KIAA0586: variants seen among roughly 807,000 people sequenced by gnomAD.
KIAA0586 encodes KIAA0586.
In KIAA0586, 144 loss-of-function variants were observed where a neutral mutation model predicts 169.8. The observed-to-expected ratio is 0.85, with a 90% CI of 0.74 to 0.97. The LOEUF is 0.97. Among genes scored for constraint, KIAA0586 ranks in the 50% least tolerant of loss-of-function variants. The pLI, the probability that KIAA0586 is intolerant of heterozygous loss-of-function variation, is 0.00. For synonymous variants in KIAA0586, 625 were observed against 612.4 expected (o/e 1.02, Z -0.30); for missense variants, 1,854 against 1,823.0 (o/e 1.02, Z -0.31).
At chr14:58,539,896 GCTGTTTAA>G in intron 29 of KIAA0586, 167 bp from the exon 30 acceptor site, 1 of 484,486 alleles carries the variant, frequency 2.1e-6, no homozygotes, top group Non-Finnish European at 3.6e-6. Flanking sequence ...TTAAAATTCA[GCTGTTTAA>G]CTTCCTTCTT....
chr14:58,428,744 TG>T (rs2037096089), intron 1 of KIAA0586, among the ~76,000 whole-genome samples: 2 of 151,030 alleles, frequency 1.3e-5, no homozygotes, highest in African/African-American at 4.9e-5. Flanking sequence ...ACTTGTATAA[TG>T]TGCTTTATTT....
chr14:58,462,791 G>C (rs894798657), intron 14 of KIAA0586, among the ~76,000 whole-genome samples: 1 of 152,138 alleles, frequency 6.6e-6, no homozygotes, highest in African/African-American at 2.4e-5. Flanking sequence ...CATCTCTGGG[G>C]AGGCCTCAGA....
intron 30 of KIAA0586, among the ~76,000 whole-genome samples, chr14:58,546,973 T>C (rs1161548892): frequency 6.6e-6 from 1 of 152,190 alleles, no homozygotes; most frequent in Non-Finnish European, 1.5e-5. Context: ...TCCTCTGACA[T>C]TGCTAACCTT....
chr14:58,466,922 T>G (rs927249798), intron 15 of KIAA0586, among the ~76,000 whole-genome samples: 1 of 152,194 alleles, frequency 6.6e-6, no homozygotes, highest in Non-Finnish European at 1.5e-5. Flanking sequence ...TTATTTGCCT[T>G]CTCTCTGAGT....
intron 14 of KIAA0586, among the ~76,000 whole-genome samples, chr14:58,461,374 A>G (rs1670170868): frequency 6.6e-6 from 1 of 152,218 alleles, no homozygotes; most frequent in South Asian, 2.1e-4. Flanking sequence ...GAAGAAATGT[A>G]GGATTAAATG....
intron 20 of KIAA0586, among the ~76,000 whole-genome samples, chr14:58,481,884 G>A (rs972116370): frequency 2.7e-5 from 4 of 150,536 alleles, no homozygotes; most frequent in Admixed American, 1.3e-4. Context: ...TGCGATCTCA[G>A]CTCACTGCAA....
At chr14:58,499,666 C>T (rs1816904234) in intron 27 of KIAA0586, among the ~76,000 whole-genome samples, 1 of 152,144 alleles carries the variant, frequency 6.6e-6, no homozygotes, top group South Asian at 2.1e-4. Flanking sequence ...TCAAGCTATT[C>T]TCCTGCCTCA....
intron 6 of KIAA0586, among the ~76,000 whole-genome samples, chr14:58,445,664 C>T (rs2038822059): frequency 6.6e-6 from 1 of 151,664 alleles, no homozygotes; most frequent in Non-Finnish European, 1.5e-5. Context: ...GAACTCTTGG[C>T]CTCAAGTGAT....
At position 58,460,868 on chromosome 14, in the gene KIAA0586, A is replaced by AT; in HGVS notation, c.1885-112dup. On this transcript the variant is annotated intron_variant, in intron 13 of 30. Coordinates refer to ENST00000652326, the MANE Select transcript of KIAA0586 (RefSeq NM_001329943.3). ...TTAAGGGCTGTTGAAAACAGAGGTT[A>AT]TTTTTTACTTAATCATTCTTGTTAT... The AT allele has an allele frequency of 4.9e-6, 3 of 615,892 alleles. No homozygotes were observed. In the South Asian group the frequency reaches 1.6e-4, roughly 33 times the overall value. The allele number at this position is 615,892 out of a possible 1,614,324, so 38.2% of individuals were successfully genotyped here. A position where few individuals can be genotyped will look rare whatever the true frequency, so the allele number is the denominator to read the frequency against.
At chr14:58,487,227 G>T in intron 22 of KIAA0586, 61 bp downstream of exon 22, 3 of 1,376,420 alleles carry the variant, frequency 2.2e-6, no homozygotes, top group South Asian at 1.4e-5. Flanking sequence ...TTCATGATTT[G>T]TATATGTACT....
In KIAA0586 at chr14:58,444,070, A is replaced by G. The variant is rs746668509; in HGVS notation, c.702A>G (p.Lys234=). ...VTEQQTSIQR[K]QEKLHCHDHE... The stretch of plus-strand genomic sequence containing the variant: ...AGCAGCAAACAAGCATTCAGAGGAA[A>G]CAAGAGAAATTACATTGTCATGATC... The change falls in exon 6 of 31, where the codon AAA becomes AAG. Residue 234 remains lysine (K), a synonymous_variant. Coordinates refer to ENST00000652326, the MANE Select transcript of KIAA0586 (RefSeq NM_001329943.3). 4 of 1,613,574 alleles carry G rather than the reference A, an allele frequency of 2.5e-6. No individual in the cohort carries two copies. The highest frequency in any genetic ancestry group is 2.2e-5 in the South Asian group (2 of 91,002).
intron 14 of KIAA0586, 49 bp downstream of exon 14, chr14:58,461,209 G>T: frequency 7.8e-7 from 1 of 1,277,090 alleles, no homozygotes; most frequent in Non-Finnish European, 1.0e-6. Flanking sequence ...AATAGTATCA[G>T]TTTAATATGT....
At chr14:58,492,335 A>T in intron 26 of KIAA0586, 60 bp downstream of exon 26, 4 of 1,438,292 alleles carry the variant, frequency 2.8e-6, no homozygotes, top group Non-Finnish European at 3.7e-6. Flanking sequence ...AAAAATTAAA[A>T]TATTCTTACT....
chr14:58,447,453 ATTTTATTTTATTTTATTTTATTTTG>A (rs542052517), intron 6 of KIAA0586, among the ~76,000 whole-genome samples: 6 of 118,748 alleles, frequency 5.1e-5, no homozygotes, highest in Non-Finnish European at 1.1e-4. Context: ...ATTTTATTTT[ATTTTATTTTATTTTATTTTATTTTG>A]TTTTATTTTA....
chr14:58,443,571 A>G (rs2038595637), intron 5 of KIAA0586, among the ~76,000 whole-genome samples: 1 of 152,144 alleles, frequency 6.6e-6, no homozygotes, highest in East Asian at 1.9e-4. Flanking sequence ...TACAGGCCGC[A>G]CGCCACCATG....
chr14:58,540,196 G>C, intron 30 of KIAA0586, 60 bp downstream of exon 30: 1 of 909,272 alleles, frequency 1.1e-6, no homozygotes, highest in Admixed American at 2.4e-5. Flanking sequence ...TTCATTTCCT[G>C]ATGATTCTTT....
In KIAA0586 at chr14:58,442,852, C is replaced by T. The variant is rs1313884071; in HGVS notation, c.557C>T (p.Ala186Val). 2 of 1,609,138 alleles carry T rather than the reference C, an allele frequency of 1.2e-6. No homozygotes were observed. The highest frequency in any genetic ancestry group is 1.7e-6 in the Non-Finnish European group (2 of 1,177,960). The change falls in exon 5 of 31, where the codon GCC (alanine) becomes GTC (valine). Residue 186 changes from alanine to valine, a missense_variant. Physicochemically the swap from Ala to Val is moderately conservative, Grantham distance 64. Transcript: ENST00000652326. ...ACCGTGGCTGCAGCAACTGCTGCTG[C>T]CATTGCAACCGCAGCTCCGTTGATA... ...ATTVAAATAA[A>V]IATAAPLIKV...
intron 8 of KIAA0586, among the ~76,000 whole-genome samples, chr14:58,452,319 T>G (rs2140740535): frequency 6.6e-6 from 1 of 152,318 alleles, no homozygotes; most frequent in Admixed American, 6.5e-5. Context: ...TTACAGAGTC[T>G]TAAAATGTAC....
At chr14:58,464,567 C>T (rs904557025) in intron 14 of KIAA0586, among the ~76,000 whole-genome samples, 5 of 152,064 alleles carry the variant, frequency 3.3e-5, no homozygotes, top group African/African-American at 1.2e-4. Flanking sequence ...ATTCACTTCT[C>T]CAAAGAGACA....
Sources: allele counts gnomAD v4.1 joint callset (sites outside exome capture counted in the v4.1 genomes callset), GRCh38; gene constraint gnomAD v4.1.1; transcripts MANE v1.5; gene names NCBI Gene and HGNC (gene_info 2026-07-23, HGNC 2026-07-21).